Variants in MAD1L1 observed in about 807,000 individuals in gnomAD.
MAD1L1 encodes the protein mitotic arrest deficient 1 like 1.
In MAD1L1, 95 loss-of-function variants were observed where a neutral mutation model predicts 96.9. The observed-to-expected ratio is 0.98, with a 90% CI of 0.83 to 1.16. The LOEUF (loss-of-function observed/expected upper bound fraction) is 1.16, where lower values mean the gene tolerates loss of function less well. Ranked by LOEUF, MAD1L1 falls within the 50% of genes most tolerant of loss-of-function variation. The probability of loss-of-function intolerance (pLI) is 0.00; values close to 1 mark genes in which losing one functional copy is unlikely to be tolerated. For missense variants in MAD1L1, 1,007 were observed against 954.4 expected (o/e 1.06, Z -0.73); for synonymous variants, 473 against 396.6 (o/e 1.19, Z -2.29).
At chr7:1,931,662 C>T (rs529368721) in intron 17 of MAD1L1, among the ~76,000 whole-genome samples, 5 of 151,656 alleles carry the variant, frequency 3.3e-5, no homozygotes, top group East Asian at 2.0e-4. Context: ...CTGCAACACG[C>T]GTCTCCCTCC....
intron 12 of MAD1L1, among the ~76,000 whole-genome samples, chr7:2,016,525 C>T (rs1420272475): frequency 6.6e-6 from 1 of 152,158 alleles, no homozygotes; most frequent in African/African-American, 2.4e-5. Context: ...TAGGAGAGAC[C>T]GACCCAGTGC....
chr7:2,158,016 T>C (rs1336332915), intron 10 of MAD1L1, among the ~76,000 whole-genome samples: 1 of 152,196 alleles, frequency 6.6e-6, no homozygotes, highest in Admixed American at 6.5e-5. Context: ...GAGCCTCAGC[T>C]CGGAGATGAC....
chr7:2,060,293 AGATACGCCGATCCCG>A (rs1341177453), intron 12 of MAD1L1, among the ~76,000 whole-genome samples: 1 of 150,070 alleles, frequency 6.7e-6, no homozygotes, highest in Non-Finnish European at 1.5e-5. Context: ...GCCGATCCCG[AGATACGCCGATCCCG>A]AGATACGCCG....
intron 15 of MAD1L1, among the ~76,000 whole-genome samples, chr7:1,961,905 G>C (rs1008329160): frequency 1.3e-5 from 2 of 150,578 alleles, no homozygotes; most frequent in African/African-American, 4.8e-5. Context: ...ATGAATCACA[G>C]GGCGGTTTCC....
intron 16 of MAD1L1, among the ~76,000 whole-genome samples, chr7:1,950,449 G>A (rs1314916700): frequency 1.3e-5 from 2 of 152,192 alleles, no homozygotes; most frequent in Non-Finnish European, 2.9e-5. Flanking sequence ...CCAATTACCC[G>A]GTGCTGGTAA....
intron 17 of MAD1L1, among the ~76,000 whole-genome samples, chr7:1,921,701 A>T (rs1239443196): frequency 2.0e-5 from 3 of 152,114 alleles, no homozygotes; most frequent in South Asian, 2.1e-4. Context: ...AAATGAAATT[A>T]AAAAAAACAA....
At chr7:2,039,755 T>A (rs1470344806) in intron 12 of MAD1L1, among the ~76,000 whole-genome samples, 1 of 152,224 alleles carries the variant, frequency 6.6e-6, no homozygotes, top group South Asian at 2.1e-4. Context: ...CTATTACAGA[T>A]AACAAATCGT....
At chr7:2,200,923 G>C (rs1479308085) in intron 10 of MAD1L1, among the ~76,000 whole-genome samples, 4 of 150,916 alleles carry the variant, frequency 2.7e-5, no homozygotes, top group African/African-American at 9.7e-5. Context: ...GTGACCGTGG[G>C]TTCCAGGAAT....
At chr7:1,949,760 C>G (rs952334192) in intron 16 of MAD1L1, among the ~76,000 whole-genome samples, 102 of 152,342 alleles carry the variant, frequency 6.7e-4, no homozygotes, top group Middle Eastern at 3.4e-3. Flanking sequence ...GCAGCGGCTG[C>G]TTGGGGAGAC....
At chr7:1,967,777 C>T (rs919495056) in intron 15 of MAD1L1, among the ~76,000 whole-genome samples, 1 of 152,212 alleles carries the variant, frequency 6.6e-6, no homozygotes, top group African/African-American at 2.4e-5. Flanking sequence ...GGGGAGATCA[C>T]GCAGCGAAAC....
intron 14 of MAD1L1, among the ~76,000 whole-genome samples, chr7:1,987,571 G>A (rs184756651): frequency 5.5e-4 from 83 of 152,256 alleles, no homozygotes; most frequent in East Asian, 2.9e-3. Flanking sequence ...CCATCGGGGA[G>A]GGGGGGAGAG....
intron 15 of MAD1L1, among the ~76,000 whole-genome samples, chr7:1,973,612 G>C (rs1004573422): frequency 1.3e-5 from 2 of 152,198 alleles, no homozygotes; most frequent in African/African-American, 4.8e-5. Context: ...CAGACAGGGG[G>C]GTGCGAGCTG....
chr7:1,976,579 G>C (rs1375816664), intron 15 of MAD1L1, among the ~76,000 whole-genome samples: 1 of 152,200 alleles, frequency 6.6e-6, no homozygotes, highest in South Asian at 2.1e-4. Context: ...AAGAGTGAAA[G>C]AACAAAGCTC....
rs1030957580 is a variant in MAD1L1, at chr7:1,908,241, T to G, written c.1808-9851A>C. Among the ~76,000 whole-genome samples the G allele has an allele frequency of 2.6e-5, 4 of 152,146 alleles. No individual in the cohort carries two copies. The East Asian group carries it at 5.8e-4, about 22-fold the overall frequency. ...CCCGCAACTCTCGCGATCATACCCT[T>G]CAGCAGGTCCCTGATGACGTGAGAC... On this transcript the variant is annotated intron_variant, in intron 17 of 18. Coordinates refer to ENST00000265854, the MANE Select transcript of MAD1L1 (RefSeq NM_001013836.2).
intron 17 of MAD1L1, among the ~76,000 whole-genome samples, chr7:1,918,335 C>T (rs1044356334): frequency 3.3e-5 from 5 of 152,148 alleles, no homozygotes; most frequent in Non-Finnish European, 5.9e-5. Flanking sequence ...TGACTTCTCA[C>T]TGGTGCTGCA....
At chr7:2,213,134 G>A in intron 10 of MAD1L1, 78 bp downstream of exon 10, 1 of 1,484,660 alleles carries the variant, frequency 6.7e-7, no homozygotes, top group Non-Finnish European at 9.4e-7. Flanking sequence ...CTGCGCTGGT[G>A]AGCCGGAAGC....
intron 10 of MAD1L1, among the ~76,000 whole-genome samples, chr7:2,197,282 T>G (rs1792041162): frequency 1.3e-5 from 2 of 152,178 alleles, no homozygotes; most frequent in South Asian, 4.1e-4. Context: ...GGAGCCACGC[T>G]TGACCTAGCA....
intron 15 of MAD1L1, among the ~76,000 whole-genome samples, chr7:1,976,730 A>T (rs1780660563): frequency 6.6e-6 from 1 of 152,220 alleles, no homozygotes; most frequent in African/African-American, 2.4e-5. Context: ...CACGGTGCTG[A>T]CTGGTGCGTT....
intron 18 of MAD1L1, among the ~76,000 whole-genome samples, chr7:1,827,700 G>A (rs1782493658): frequency 1.0e-5 from 1 of 97,606 alleles, no homozygotes; most frequent in African/African-American, 3.5e-5. Flanking sequence ...AGCCCGTCCC[G>A]GGTGTGGGGG....
Sources: allele counts gnomAD v4.1 joint callset (sites outside exome capture counted in the v4.1 genomes callset), GRCh38; gene constraint gnomAD v4.1.1; transcripts MANE v1.5; gene names NCBI Gene and HGNC (gene_info 2026-07-23, HGNC 2026-07-21).